The following CALD1 variants were observed in gnomAD, a reference collection of about 807,000 sequenced individuals.
CALD1 encodes the protein caldesmon.
CALD1 carries 33 observed loss-of-function variants against 99.9 expected under a neutral mutation model. The ratio of observed to expected loss-of-function variants is 0.33; its 90% CI spans 0.25 to 0.44. CALD1 has a LOEUF of 0.44. Among genes scored for constraint, CALD1 ranks in the 20% least tolerant of loss-of-function variants. CALD1 has a pLI of 1.00. For synonymous variants in CALD1, 310 were observed against 325.0 expected, an observed-to-expected ratio of 0.95 and a Z score of 0.50; for missense variants, 861 against 962.1, an observed-to-expected ratio of 0.89 and a Z score of 1.39.
chr7:134,862,029 T>C (rs192852680), intron 2 of CALD1, among the ~76,000 whole-genome samples: 3 of 152,348 alleles, frequency 2.0e-5, no homozygotes, highest in African/African-American at 7.2e-5. Flanking sequence ...TTAACAGAGA[T>C]GAAATAAGCA....
upstream of CALD1, among the ~76,000 whole-genome samples, chr7:134,775,219 A>G (rs919726790): frequency 6.6e-6 from 1 of 152,132 alleles, no homozygotes; most frequent in East Asian, 1.9e-4. Context: ...AAAATAATTC[A>G]TATATGCTGG....
upstream of CALD1, among the ~76,000 whole-genome samples, chr7:134,741,897 T>C (rs935147157): frequency 3.9e-5 from 6 of 152,202 alleles, no homozygotes; most frequent in Non-Finnish European, 7.3e-5. Flanking sequence ...GCCTACTATG[T>C]TCCAGTCACT....
chr7:134,900,714 T>C (rs919847431), intron 3 of CALD1, among the ~76,000 whole-genome samples: 1 of 152,164 alleles, frequency 6.6e-6, no homozygotes, highest in Non-Finnish European at 1.5e-5. Flanking sequence ...TAAAGACATC[T>C]GTTGTCTGTC....
intron 1 of CALD1, among the ~76,000 whole-genome samples, chr7:134,797,723 A>G (rs78627192): frequency 0.28 from 42,311 of 151,938 alleles, 6,866 homozygotes; most frequent in East Asian, 0.65. Context: ...CTCCCGAGTA[A>G]CTGGGACTAT....
intron 5 of CALD1, among the ~76,000 whole-genome samples, chr7:134,934,834 T>C (rs1435061350): frequency 1.3e-5 from 2 of 152,074 alleles, no homozygotes; most frequent in East Asian, 3.9e-4. Context: ...TGAGCTGAGA[T>C]TGTGCCACTG....
At chr7:134,913,056 G>A (rs971771933) in intron 3 of CALD1, among the ~76,000 whole-genome samples, 8 of 152,192 alleles carry the variant, frequency 5.3e-5, no homozygotes, top group Admixed American at 3.9e-4. Flanking sequence ...CCTGAGGTTG[G>A]GAGTTCAAGA....
chr7:134,859,846 C>G (rs1249235572), intron 2 of CALD1, among the ~76,000 whole-genome samples: 2 of 152,162 alleles, frequency 1.3e-5, no homozygotes, highest in African/African-American at 4.8e-5. Context: ...TATACAAAAA[C>G]CATCATTTCA....
chr7:134,715,178 C>T, the CALD1 span, among the ~76,000 whole-genome samples: 18 of 152,256 alleles, frequency 1.2e-4, no homozygotes, highest in South Asian at 2.5e-3. Context: ...AATAAATACA[C>T]ACTCAAATTT....
chr7:134,964,624 C>T (rs1410276221), intron 13 of CALD1, among the ~76,000 whole-genome samples: 2 of 152,102 alleles, frequency 1.3e-5, no homozygotes, highest in Non-Finnish European at 2.9e-5. Flanking sequence ...GGGCAGTTGG[C>T]AGTCAGGCTG....
At chr7:134,958,882 T>C (rs1325419472) in intron 11 of CALD1, among the ~76,000 whole-genome samples, 1 of 24,362 alleles carries the variant, frequency 4.1e-5, no homozygotes, top group Non-Finnish European at 1.0e-4. Flanking sequence ...AATATATATA[T>C]ATATATATAT....
chr7:134,923,578 G>A (rs1393863296), intron 3 of CALD1, among the ~76,000 whole-genome samples: 1 of 152,218 alleles, frequency 6.6e-6, no homozygotes, highest in Non-Finnish European at 1.5e-5. Context: ...TTACAATCCA[G>A]TGGTTGGTTA....
At chr7:134,948,863 C>T (rs1272850222) in intron 8 of CALD1, among the ~76,000 whole-genome samples, 2 of 151,188 alleles carry the variant, frequency 1.3e-5, no homozygotes, top group Admixed American at 1.3e-4. Flanking sequence ...TTAAACACAC[C>T]CCAGGCTTTT....
intron 1 of CALD1, among the ~76,000 whole-genome samples, chr7:134,807,673 A>G (rs1055389294): frequency 6.6e-6 from 1 of 152,168 alleles, no homozygotes; most frequent in Non-Finnish European, 1.5e-5. Flanking sequence ...GCCTCTTCAC[A>G]GTTGTCTGGA....
chr7:134,933,313 G>A lies in CALD1; in HGVS notation c.544G>A (p.Glu182Lys). The change falls in exon 5 of 15, where the codon GAA becomes AAA. Residue 182 changes from glutamate (E) to lysine (K), a missense_variant. By Grantham distance (56) the Glu-to-Lys change is moderately conservative. This residue lies in a region of CALD1 where 234 missense variants were observed against 233.1 expected (regional missense o/e 1.00). Transcript: ENST00000361675. ...YQKNDWRDAE[E>K]NKKEDKEKEE... The stretch of plus-strand genomic sequence containing the variant: ...GAAGAATGATTGGAGGGATGCTGAA[G>A]AAAACAAGAAAGAAGACAAGGAAAA... 6.2e-7 allele frequency: 1 copy of A among 1,603,144 alleles called. No homozygotes were observed. Among genetic ancestry groups the A allele is most frequent in the East Asian group, 2.3e-5 (1 of 43,696 alleles).
At chr7:134,851,419 A>G (rs866027812) in intron 2 of CALD1, among the ~76,000 whole-genome samples, 1 of 152,306 alleles carries the variant, frequency 6.6e-6, no homozygotes, top group Middle Eastern at 3.4e-3. Flanking sequence ...CTGTTTCTAA[A>G]CTAGAGGTCT....
At chr7:134,958,887 A>ATATATATATATTTAAC (rs1554479099) in intron 11 of CALD1, among the ~76,000 whole-genome samples, 4,020 of 96,164 alleles carry the variant, frequency 0.042, 120 homozygotes, top group South Asian at 0.16. Flanking sequence ...ATATATATAT[A>ATATATATATATTTAAC]TATATATATA....
intron 3 of CALD1, chr7:134,920,479 C>T: frequency 9.1e-7 from 1 of 1,099,126 alleles, no homozygotes; most frequent in East Asian, 7.5e-5. Context: ...AGAAGTCATC[C>T]TTTTTTGAGG....
At chr7:134,758,474 C>T (rs1009041607) in intron 1 of CALD1, among the ~76,000 whole-genome samples, 3 of 150,410 alleles carry the variant, frequency 2.0e-5, no homozygotes, top group Non-Finnish European at 4.4e-5. Context: ...GCTCTCCTTT[C>T]TTTTAAATAT....
intron 11 of CALD1, among the ~76,000 whole-genome samples, chr7:134,959,292 T>G (rs1285442991): frequency 6.6e-6 from 1 of 152,152 alleles, no homozygotes; most frequent in African/African-American, 2.4e-5. Context: ...GCGATTCTCC[T>G]GCCTCAGCCT....
Sources: gnomAD v4.1 joint callset for allele counts (sites outside exome capture counted in the v4.1 genomes callset) on GRCh38, gnomAD v4.1.1 for gene constraint, gnomAD v4.1.1 regional missense constraint, MANE v1.5 for transcripts, NCBI Gene and HGNC (gene_info 2026-07-23, HGNC 2026-07-21) for gene names.